The following TULP4 variants were observed in gnomAD, a reference collection of about 807,000 sequenced individuals.
TULP4 encodes tubby-related protein 4.
In TULP4, 16 loss-of-function variants were observed where a neutral mutation model predicts 129.0. That is an observed-to-expected ratio of 0.12 (90% CI 0.08 to 0.19). The LOEUF (loss-of-function observed/expected upper bound fraction) is 0.19, where lower values mean the gene tolerates loss of function less well. TULP4 is among the 10% of genes least tolerant of loss of function. The pLI, the probability that TULP4 is intolerant of heterozygous loss-of-function variation, is 1.00. For synonymous variants in TULP4, 998 were observed against 854.0 expected (o/e 1.17, Z -2.94); for missense variants, 1,842 against 2,059.1 (o/e 0.89, Z 2.04).
intron 1 of TULP4, chr6:158,397,752 G>GATTAAAAA (rs1777752092): frequency 6.6e-6 from 1 of 152,262 alleles, no homozygotes; most frequent in Non-Finnish European, 1.5e-5. Context: ...CGTGAAGCAT[G>GATTAAAAA]ATTAAAAAAT....
intron 1 of TULP4, among the ~76,000 whole-genome samples, chr6:158,306,737 G>T (rs1393091693): frequency 6.6e-6 from 1 of 152,166 alleles, no homozygotes; most frequent in Non-Finnish European, 1.5e-5. Context: ...ATTAAAACTG[G>T]CTGGGTGCAG....
At chr6:158,487,192 G>A (rs913760728) in intron 8 of TULP4, among the ~76,000 whole-genome samples, 6 of 152,024 alleles carry the variant, frequency 3.9e-5, no homozygotes, top group Non-Finnish European at 5.9e-5. Context: ...GCAGGAGATG[G>A]AGGCTGCAGT....
At chr6:158,355,184 G>A (rs898711612) in intron 1 of TULP4, among the ~76,000 whole-genome samples, 4 of 151,882 alleles carry the variant, frequency 2.6e-5, no homozygotes, top group South Asian at 2.1e-4. Context: ...CAATCATCCC[G>A]CCTCAGCTTC....
In TULP4 at chr6:158,306,933, T is replaced by C. The variant is rs77960534; in HGVS notation, n.117-5118T>C. Among the ~76,000 whole-genome samples, 247 of 151,492 alleles carry C rather than the reference T, an allele frequency of 1.6e-3. 1 individual carries two copies. Among genetic ancestry groups the C allele is most frequent in the African/African-American group, 5.6e-3 (231 of 41,218 alleles). Reference sequence around the variant, plus strand: ...TACTCAGGAGGCTGAGGTGGGAGGATTTTTTTGAGCCCACGAATTTGAGGC... The same window carrying C: ...TACTCAGGAGGCTGAGGTGGGAGGACTTTTTTGAGCCCACGAATTTGAGGC... On this transcript the variant is annotated intron_variant and non_coding_transcript_variant, in intron 1 of 1. Coordinates refer to the TULP4 transcript ENST00000432358.
At chr6:158,345,292 G>T (rs559418676) in intron 1 of TULP4, among the ~76,000 whole-genome samples, 1 of 152,162 alleles carries the variant, frequency 6.6e-6, no homozygotes, top group African/African-American at 2.4e-5. Flanking sequence ...GGGACCACAG[G>T]TGCATGCCAC....
chr6:158,453,992 T>C lies in TULP4; in HGVS notation c.859+1724T>C, dbSNP rs184753454. Among the ~76,000 whole-genome samples, 680 of 145,986 alleles carry C rather than the reference T, an allele frequency of 4.7e-3. 6 individuals carry two copies. The highest frequency in any genetic ancestry group is 0.017 in the African/African-American group (636 of 38,266). Reference sequence around the variant, plus strand: ...TCAAGTCTATATACTTAACTGTTGGTTGGCAAGAATCATACCTGCCTCTGC... The same window carrying C: ...TCAAGTCTATATACTTAACTGTTGGCTGGCAAGAATCATACCTGCCTCTGC... On this transcript the variant is annotated intron_variant, in intron 5 of 13. Transcript: ENST00000367097.
chr6:158,302,399 T>C (rs546524852), intron 1 of TULP4, among the ~76,000 whole-genome samples: 139 of 152,332 alleles, frequency 9.1e-4, no homozygotes, highest in African/African-American at 3.2e-3. Flanking sequence ...GCATCCTGGG[T>C]TGGACAGCTC....
At chr6:158,311,080 G>A (rs1779339357), upstream of TULP4, among the ~76,000 whole-genome samples, 1 of 152,244 alleles carries the variant, frequency 6.6e-6, no homozygotes, top group Admixed American at 6.5e-5. Flanking sequence ...GTACAAATGT[G>A]AACACGGAAG....
At chr6:158,370,133 G>A (rs1047237926) in intron 1 of TULP4, among the ~76,000 whole-genome samples, 2 of 152,142 alleles carry the variant, frequency 1.3e-5, no homozygotes, top group Non-Finnish European at 2.9e-5. Flanking sequence ...GATCACTTGA[G>A]CCCTGGAGGT....
At chr6:158,371,599 C>G (rs1299026434) in intron 1 of TULP4, among the ~76,000 whole-genome samples, 1 of 152,158 alleles carries the variant, frequency 6.6e-6, no homozygotes, top group Non-Finnish European at 1.5e-5. Context: ...ATAACTTATT[C>G]TAAAGTGAAG....
chr6:158,406,718 A>G (rs1442239700), intron 1 of TULP4, among the ~76,000 whole-genome samples: 1 of 152,252 alleles, frequency 6.6e-6, no homozygotes, highest in Non-Finnish European at 1.5e-5. Context: ...ATGGAATGGT[A>G]GTTTCGCATT....
chr6:158,353,582 A>G lies in TULP4; in HGVS notation c.252+39314A>G, dbSNP rs534410308. 8.5e-5 allele frequency among the ~76,000 whole-genome samples: 13 copies of G among 152,296 alleles called. No individual in the cohort carries two copies. In the South Asian group the frequency reaches 2.7e-3, roughly 32 times the overall value. On this transcript the variant is annotated intron_variant, in intron 1 of 13. Coordinates refer to ENST00000367097, the MANE Select transcript of TULP4 (RefSeq NM_020245.5). ...CTCAGTGTGTTCTTTTTTCTGCACT[A>G]CCTGAAAATACCTTTTCTATTTTCA...
intron 1 of TULP4, among the ~76,000 whole-genome samples, chr6:158,376,789 T>C (rs973675168): frequency 6.6e-6 from 1 of 152,234 alleles, no homozygotes; most frequent in Non-Finnish European, 1.5e-5. Flanking sequence ...CAGGAGCAGA[T>C]GTGGCAGTCT....
intron 1 of TULP4, among the ~76,000 whole-genome samples, chr6:158,272,637 A>G (rs941708888): frequency 1.3e-5 from 2 of 152,222 alleles, no homozygotes; most frequent in African/African-American, 4.8e-5. Flanking sequence ...ACAGTTGGGG[A>G]AACTGAGACC....
chr6:158,468,055 C>G (rs542064823), intron 6 of TULP4, among the ~76,000 whole-genome samples: 1 of 152,230 alleles, frequency 6.6e-6, no homozygotes, highest in Non-Finnish European at 1.5e-5. Context: ...CTCTGCTTTG[C>G]CAGTCCAGCT....
chr6:158,481,393 C>T, intron 8 of TULP4, 104 bp downstream of exon 8: 1 of 1,032,004 alleles, frequency 9.7e-7, no homozygotes, highest in South Asian at 1.4e-5. Flanking sequence ...GAAACGTGAG[C>T]CTGTGGGGGC....
chr6:158,385,963 G>A (rs370588017), intron 1 of TULP4, among the ~76,000 whole-genome samples: 12 of 147,480 alleles, frequency 8.1e-5, no homozygotes, highest in East Asian at 2.0e-4. Flanking sequence ...TCCTGCATCC[G>A]CCTCCTGAAT....
chr6:158,237,617 G>A, intron 1 of TULP4: 1 of 1,430,284 alleles, frequency 7.0e-7, no homozygotes, highest in East Asian at 2.3e-5. Flanking sequence ...TCTTGCATTG[G>A]CAGCCATCTT....
intron 13 of TULP4, among the ~76,000 whole-genome samples, chr6:158,504,984 T>TAGGACCCAC (rs11283659): frequency 0.58 from 88,355 of 151,514 alleles, 26,322 homozygotes; most frequent in African/African-American, 0.7. Context: ...TGCTAGTCAA[T>TAGGACCCAC]AGCTGAGCCA....
Sources: allele counts gnomAD v4.1 joint callset (sites outside exome capture counted in the v4.1 genomes callset), GRCh38; gene constraint gnomAD v4.1.1; transcripts MANE v1.5; gene names NCBI Gene and HGNC (gene_info 2026-07-23, HGNC 2026-07-21).